HEATR5A: variants seen among roughly 807,000 people sequenced by gnomAD.
HEATR5A encodes the protein HEAT repeat containing 5A.
In HEATR5A, 178 loss-of-function variants were observed where a neutral mutation model predicts 218.8. The observed-to-expected ratio is 0.81, with a 90% confidence interval of 0.72 to 0.92. HEATR5A has a LOEUF of 0.92. Ranked by LOEUF, HEATR5A falls within the 40% of genes least tolerant of loss-of-function variation. The pLI, the probability that HEATR5A is intolerant of heterozygous loss-of-function variation, is 0.00. For synonymous variants in HEATR5A, 864 were observed against 871.6 expected (o/e 0.99, Z 0.15); for missense variants, 2,420 against 2,418.9 (o/e 1.00, Z -0.01).
rs774460004 is a variant in HEATR5A, at chr14:31,387,377, TAAA to T, written c.934-5_934-3del. 3 of 1,603,636 alleles carry T rather than the reference TAAA, an allele frequency of 1.9e-6. No homozygotes were observed. In the South Asian group the frequency reaches 3.3e-5, roughly 18 times the overall value. On this transcript the variant is annotated splice_polypyrimidine_tract_variant and splice_region_variant and intron_variant, in intron 7 of 35. Transcript: ENST00000543095. The stretch of plus-strand genomic sequence containing the variant: ...TGTTGAAACAAATACCACATAAGCC[TAAA>T]AAGGAAAAGAGTTTTATTTTCAATA...
rs1335862571 is a variant in HEATR5A, at chr14:31,343,997, G to T, written c.3127C>A (p.Pro1043Thr). The change falls in exon 21 of 36, where the codon CCA becomes ACA. Residue 1043 changes from proline (P) to threonine (T), a missense_variant. Coordinates refer to ENST00000543095, the MANE Select transcript of HEATR5A (RefSeq NM_015473.4). ...GCCTGAGCTTGAACAAGGCAGTCTG[G>T]GTTATCTTGCATTACTGCACAACCC... is the stretch of plus-strand genomic sequence containing the variant. ...LLGCAVMQDN[P>T]DCLVQAQAIS... The T allele has an allele frequency of 1.2e-6, 2 of 1,610,666 alleles. No individual in the cohort carries two copies. The highest frequency in any genetic ancestry group is 2.7e-5 in the African/African-American group (2 of 74,792).
At chr14:31,321,983 T>C (rs927847107) in intron 24 of HEATR5A, among the ~76,000 whole-genome samples, 1 of 152,186 alleles carries the variant, frequency 6.6e-6, no homozygotes, top group Non-Finnish European at 1.5e-5. Context: ...ATGATAAAAG[T>C]ACATTAGTTG....
chr14:31,331,726 A>G (rs543678877), intron 22 of HEATR5A, among the ~76,000 whole-genome samples: 178 of 152,338 alleles, frequency 1.2e-3, no homozygotes, highest in Middle Eastern at 6.8e-3. Context: ...GGGAGGCCTC[A>G]GGAAACTTAC....
intron 1 of HEATR5A, among the ~76,000 whole-genome samples, chr14:31,417,785 T>C (rs2139334410): frequency 6.7e-6 from 1 of 149,810 alleles, no homozygotes; most frequent in East Asian, 2.0e-4. Flanking sequence ...GCCAAAATTA[T>C]AAAACTTTAC....
intron 27 of HEATR5A, 43 bp downstream of exon 27, chr14:31,315,727 T>G (rs756909005): frequency 2.7e-6 from 4 of 1,459,222 alleles, no homozygotes; most frequent in Non-Finnish European, 3.7e-6. Context: ...AGGTGTTTAT[T>G]AACAACTTCC....
At chr14:31,349,500 T>G (rs544860327) in intron 18 of HEATR5A, among the ~76,000 whole-genome samples, 1 of 152,220 alleles carries the variant, frequency 6.6e-6, no homozygotes. Flanking sequence ...TATAAAACTG[T>G]ATAAATATTT....
Position 31,402,865 on chromosome 14 carries a change from C to G in HEATR5A, c.111G>C (p.Leu37Phe), listed in dbSNP as rs781684066. ...FEWLRYLEKL[L>F]LATSRNDVRE... ...TTTTACCCACCCTGCTGGTTGCCAACAAGAGCTTCTCCAAGTATCTCAACC... is the reference window on the plus strand; with the variant it reads ...TTTTACCCACCCTGCTGGTTGCCAAGAAGAGCTTCTCCAAGTATCTCAACC... The change falls in exon 2 of 36, where the codon TTG (leucine) becomes TTC (phenylalanine). Residue 37 changes from leucine to phenylalanine, a missense_variant. Physicochemically the swap from Leu to Phe is conservative, Grantham distance 22. Coordinates refer to ENST00000543095, the MANE Select transcript of HEATR5A (RefSeq NM_015473.4). The G allele has an allele frequency of 1.4e-4, 215 of 1,536,434 alleles. No individual in the cohort carries two copies. Among genetic ancestry groups the G allele is most frequent in the Non-Finnish European group, 1.8e-4 (201 of 1,146,954 alleles).
chr14:31,306,794 A>G lies in HEATR5A; in HGVS notation c.4904T>C (p.Val1635Ala). Residue 1635 changes from valine (V) to alanine (A), a missense_variant, in exon 31 of 36, where the codon GTG (valine) becomes GCG (alanine). Transcript: ENST00000543095. The stretch of plus-strand genomic sequence containing the variant: ...AGCAGCACAGATAATCTGCCTTACC[A>G]CTTCAAGTGAAGCCAACTGAATGGA... ...SPSIQLASLE[V>A]VRQIICAAQE... is the part of the protein sequence containing the mutation. 1 of 1,613,702 alleles carries G rather than the reference A, an allele frequency of 6.2e-7. No homozygotes were observed. The highest frequency in any genetic ancestry group is 1.6e-4 in the Middle Eastern group (1 of 6,062).
intron 13 of HEATR5A, among the ~76,000 whole-genome samples, chr14:31,369,632 A>AAC (rs1901952341): frequency 1.4e-5 from 2 of 147,012 alleles, no homozygotes; most frequent in African/African-American, 5.1e-5. Flanking sequence ...AAAAAAAAAA[A>AAC]AAAACCCAAA....
At position 31,294,105 on chromosome 14, in the gene HEATR5A, C is replaced by T; in HGVS notation, c.5620-1G>A. 1 of 1,561,734 alleles carries T rather than the reference C, an allele frequency of 6.4e-7. No homozygotes were observed. Among genetic ancestry groups the T allele is most frequent in the Non-Finnish European group, 8.7e-7 (1 of 1,147,492 alleles). On this transcript the variant is annotated splice_acceptor_variant, in intron 34 of 35. Coordinates refer to ENST00000543095, the MANE Select transcript of HEATR5A (RefSeq NM_015473.4). LOFTEE classifies it high-confidence loss of function. ...GGAGCTGGTAGGTCTTGATTTGTACCTAATAAGGTAAGAGAAAAGAATAGC... is the reference window on the plus strand; with the variant it reads ...GGAGCTGGTAGGTCTTGATTTGTACTTAATAAGGTAAGAGAAAAGAATAGC...
chr14:31,368,828 C>T (rs1393461778), intron 13 of HEATR5A, among the ~76,000 whole-genome samples: 1 of 151,868 alleles, frequency 6.6e-6, no homozygotes. Flanking sequence ...TCCCAAAGCA[C>T]TAGGATTACA....
chr14:31,376,495 C>T (rs1902232527), intron 11 of HEATR5A, among the ~76,000 whole-genome samples: 1 of 152,136 alleles, frequency 6.6e-6, no homozygotes, highest in Non-Finnish European at 1.5e-5. Context: ...GAACAAGATC[C>T]TTTCTTTAAA....
chr14:31,344,509 ACCC>A (rs59458269), intron 20 of HEATR5A, among the ~76,000 whole-genome samples: 129,781 of 151,056 alleles, frequency 0.86, 56,394 homozygotes, highest in Non-Finnish European at 0.94. Flanking sequence ...CGAACTCCTG[ACCC>A]GATTCAGTGA....
intron 1 of HEATR5A, among the ~76,000 whole-genome samples, chr14:31,416,310 C>T (rs1490801677): frequency 6.6e-6 from 1 of 151,806 alleles, no homozygotes; most frequent in Non-Finnish European, 1.5e-5. Context: ...TTAGTAGAGA[C>T]GGGGTTTCAC....
chr14:31,416,407 C>A (rs1030962589), intron 1 of HEATR5A, among the ~76,000 whole-genome samples: 48 of 152,170 alleles, frequency 3.2e-4, no homozygotes, highest in African/African-American at 1.1e-3. Context: ...CAGGCATGAG[C>A]CACCGCATCT....
chr14:31,327,678 A>G (rs921748502), intron 22 of HEATR5A, among the ~76,000 whole-genome samples: 1 of 152,218 alleles, frequency 6.6e-6, no homozygotes, highest in Non-Finnish European at 1.5e-5. Context: ...ACGTGAGAGT[A>G]AAGCTCAAAC....
chr14:31,382,461 C>G (rs567452453), intron 10 of HEATR5A, among the ~76,000 whole-genome samples: 1 of 151,968 alleles, frequency 6.6e-6, no homozygotes, highest in Non-Finnish European at 1.5e-5. Flanking sequence ...AATATATTTA[C>G]GAGTTTGTGA....
intron 11 of HEATR5A, among the ~76,000 whole-genome samples, chr14:31,377,656 C>T (rs899580372): frequency 2.0e-5 from 3 of 151,990 alleles, no homozygotes; most frequent in African/African-American, 7.2e-5. Flanking sequence ...GTGGTGCACA[C>T]AGTCCCAGCT....
rs1383053147 is a variant in HEATR5A, at chr14:31,291,962, T to TATCA, written c.*1339_*1342dup. On this transcript the variant is annotated 3_prime_UTR_variant, in exon 36 of 36. Coordinates refer to ENST00000543095, the MANE Select transcript of HEATR5A (RefSeq NM_015473.4). The stretch of plus-strand genomic sequence containing the variant: ...TGTCTTCTCAATTCTGACATGCTTC[T>TATCA]ATCACTTCGGTTTGTAATTTTTAAG... The TATCA allele has an allele frequency of 2.0e-5, 3 of 152,226 alleles. No homozygotes were observed. The highest frequency in any genetic ancestry group is 7.2e-5 in the African/African-American group (3 of 41,452). 9.4% of individuals were successfully genotyped at this position (152,226 alleles called of 1,614,324 possible).
Sources: allele counts gnomAD v4.1 joint callset (sites outside exome capture counted in the v4.1 genomes callset), GRCh38; gene constraint gnomAD v4.1.1; transcripts MANE v1.5; gene names NCBI Gene and HGNC (gene_info 2026-07-23, HGNC 2026-07-21).